CRAT: variants seen among roughly 807,000 people sequenced by gnomAD.
The protein encoded by CRAT is carnitine acetylase.
CRAT carries 66 observed loss-of-function variants against 73.7 expected under a neutral mutation model. The ratio of observed to expected loss-of-function variants is 0.90; its 90% CI spans 0.73 to 1.10. The LOEUF is 1.10. Among genes scored for constraint, CRAT ranks in the 50% least tolerant of loss-of-function variants. The pLI is 0.00. For synonymous variants in CRAT, 321 were observed against 343.2 expected, an observed-to-expected ratio of 0.94 and a Z score of 0.71; for missense variants, 745 against 846.9, an observed-to-expected ratio of 0.88 and a Z score of 1.49.
chr9:129,098,285 G>C lies in CRAT; in HGVS notation c.1292C>G (p.Ala431Gly). The C allele has an allele frequency of 6.2e-7, 1 of 1,614,038 alleles. No individual in the cohort carries two copies. Among genetic ancestry groups the C allele is most frequent in the South Asian group, 1.1e-5 (1 of 91,090 alleles). Residue 431 changes from alanine (A) to glycine (G), a missense_variant, in exon 10 of 14, where the codon GCC (alanine) becomes GGC (glycine). By Grantham distance (60) the Ala-to-Gly change is moderately conservative. Coordinates refer to ENST00000318080, the MANE Select transcript of CRAT (RefSeq NM_000755.5). ...FPKSEKLSPD[A>G]FIQMALQLAY... ...CAGCTGCAAAGCCATCTGGATGAAG[G>C]CATCTGGGCTTAGCTTCTCCGACTT...
chr9:129,097,832 C>G, intron 11 of CRAT, 181 bp downstream of exon 11: 1 of 818,296 alleles, frequency 1.2e-6, no homozygotes, highest in South Asian at 1.9e-5. Context: ...TGAATGACTC[C>G]CTTTTCCTCT....
intron 4 of CRAT, 55 bp downstream of exon 4, chr9:129,102,958 G>T: frequency 6.6e-7 from 1 of 1,504,148 alleles, no homozygotes; most frequent in Non-Finnish European, 9.3e-7. Flanking sequence ...AGGTGGCTGT[G>T]GTAATTAAGC....
At chr9:129,100,822 C>A in intron 6 of CRAT, 133 bp from the exon 7 acceptor site, 3 of 1,108,786 alleles carry the variant, frequency 2.7e-6, no homozygotes, top group South Asian at 1.7e-5. Context: ...GGAGACCCCC[C>A]ACCTCGCCGG....
chr9:129,102,239 C>G (rs1002664776), intron 5 of CRAT, among the ~76,000 whole-genome samples, 161 bp downstream of exon 5: 1 of 152,204 alleles, frequency 6.6e-6, no homozygotes, highest in African/African-American at 2.4e-5. Flanking sequence ...CACGGCCCCT[C>G]CTGGCCTCCC....
In CRAT at chr9:129,095,134, G is replaced by A. The variant is rs558434911; in HGVS notation, c.*263C>T. The A allele has an allele frequency of 1.5e-5, 8 of 533,460 alleles. No individual in the cohort carries two copies. Among genetic ancestry groups the A allele is most frequent in the South Asian group, 7.0e-5 (3 of 42,860 alleles). The allele number at this position is 533,460 out of a possible 1,614,324, so 33.0% of individuals were successfully genotyped here. A position where few individuals can be genotyped will look rare whatever the true frequency, so the allele number is the denominator to read the frequency against. On this transcript the variant is annotated 3_prime_UTR_variant, in exon 14 of 14. Transcript: ENST00000318080. ...CCCAGAGGAGGCACCGGTGGAGGAC[G>A]TGCCAGGGGCCCGGGCCTAACGTCC...
At chr9:129,097,446 C>T (rs1445785072) in intron 11 of CRAT, 134 bp from the exon 12 acceptor site, 3 of 618,322 alleles carry the variant, frequency 4.9e-6, no homozygotes, top group Non-Finnish European at 7.9e-6. Context: ...CGGTGGCTCA[C>T]GCCTGTAATC....
chr9:129,109,737 C>A (rs1848271011), intron 1 of CRAT, among the ~76,000 whole-genome samples: 1 of 152,086 alleles, frequency 6.6e-6, no homozygotes, highest in Non-Finnish European at 1.5e-5. Context: ...GCCCTCTGGC[C>A]CCGTAGTGTG....
Position 129,095,229 on chromosome 9 carries a change from G to C in CRAT, c.*168C>G. On this transcript the variant is annotated 3_prime_UTR_variant, in exon 14 of 14. Transcript: ENST00000318080. ...CTGGGATGACCCACGGAAGGCACTTGGCTGGGGCCTGCAGGCCCCCTGGAG... is the reference window on the plus strand; with the variant it reads ...CTGGGATGACCCACGGAAGGCACTTCGCTGGGGCCTGCAGGCCCCCTGGAG... 1 of 729,106 alleles carries C rather than the reference G, an allele frequency of 1.4e-6. No individual in the cohort carries two copies. The highest frequency in any genetic ancestry group is 2.2e-6 in the Non-Finnish European group (1 of 452,970). The allele number at this position is 729,106 out of a possible 1,614,324, so 45.2% of individuals were successfully genotyped here. A position where few individuals can be genotyped will look rare whatever the true frequency, so the allele number is the denominator to read the frequency against.
At chr9:129,108,110 C>G (rs1848135731) in intron 1 of CRAT, 33 bp from the exon 2 acceptor site, 2 of 1,497,502 alleles carry the variant, frequency 1.3e-6, no homozygotes, top group African/African-American at 2.8e-5. Context: ...TTCATTCCCT[C>G]CCCGGCTCTG....
At chr9:129,099,142 CTTTTTTT>C (rs58079634) in intron 8 of CRAT, among the ~76,000 whole-genome samples, 3 of 130,360 alleles carry the variant, frequency 2.3e-5, no homozygotes, top group Admixed American at 8.3e-5. Context: ...GCGTGGCTAA[CTTTTTTT>C]TTTTTTTTTT....
At chr9:129,109,129 G>C (rs1389805852) in intron 1 of CRAT, 1 of 1,303,570 alleles carries the variant, frequency 7.7e-7, no homozygotes, top group African/African-American at 1.5e-5. Context: ...TTTCTTCTCT[G>C]CATGGGCTCA....
chr9:129,098,305 C>T lies in CRAT; in HGVS notation c.1272G>A (p.Ser424=), dbSNP rs946600875. ...FHHFGKDFPK[S]EKLSPDAFIQ... ...TGAAGGCATCTGGGCTTAGCTTCTCCGACTTGGGGAAGTCTTTTCCAAAAT... is the reference window on the plus strand; with the variant it reads ...TGAAGGCATCTGGGCTTAGCTTCTCTGACTTGGGGAAGTCTTTTCCAAAAT... The change falls in exon 10 of 14, where the codon TCG becomes TCA. Residue 424 remains serine, a synonymous_variant. Coordinates refer to ENST00000318080, the MANE Select transcript of CRAT (RefSeq NM_000755.5). 1.8e-5 allele frequency: 29 copies of T among 1,613,922 alleles called. No individual in the cohort carries two copies. Among genetic ancestry groups the T allele is most frequent in the Non-Finnish European group, 2.2e-5 (26 of 1,180,050 alleles).
intron 1 of CRAT, chr9:129,109,362 G>GT: frequency 9.1e-7 from 1 of 1,097,680 alleles, no homozygotes; most frequent in Non-Finnish European, 1.2e-6. Context: ...CCTATTTCCT[G>GT]TTTCTCTCCA....
chr9:129,095,418 G>A lies in CRAT; in HGVS notation c.1860C>T (p.Ser620=), dbSNP rs1476693687. The change falls in exon 14 of 14, where the codon AGC becomes AGT. Residue 620 remains serine (S), a synonymous_variant. Coordinates refer to ENST00000318080, the MANE Select transcript of CRAT (RefSeq NM_000755.5). ...GGGCTCAGAGCTTGGCCCGGGGGTGGCTCTGCAGCAGGGCACGCATGTCCA... is the reference window on the plus strand; with the variant it reads ...GGGCTCAGAGCTTGGCCCGGGGGTGACTCTGCAGCAGGGCACGCATGTCCA... ...ALLDMRALLQ[S]HPRAKL The A allele has an allele frequency of 1.2e-6, 2 of 1,611,886 alleles. No homozygotes were observed. Among genetic ancestry groups the A allele is most frequent in the Admixed American group, 3.3e-5 (2 of 60,024 alleles).
chr9:129,099,735 T>A (rs1847538615), intron 8 of CRAT, 131 bp downstream of exon 8: 2 of 673,386 alleles, frequency 3.0e-6, no homozygotes, highest in Middle Eastern at 2.5e-4. Flanking sequence ...CATATCTGGC[T>A]GGCTTCCTTG....
At chr9:129,109,738 C>T (rs1848271305) in intron 1 of CRAT, among the ~76,000 whole-genome samples, 1 of 152,094 alleles carries the variant, frequency 6.6e-6, no homozygotes, top group Non-Finnish European at 1.5e-5. Flanking sequence ...CCCTCTGGCC[C>T]CGTAGTGTGT....
intron 12 of CRAT, among the ~76,000 whole-genome samples, chr9:129,096,941 G>A (rs1333875378): frequency 1.3e-5 from 2 of 152,096 alleles, no homozygotes; most frequent in Non-Finnish European, 1.5e-5. Context: ...GGTGGTGGGT[G>A]CCTGTAATCC....
At chr9:129,095,715 A>G (rs907788594) in intron 13 of CRAT, 103 bp from the exon 14 acceptor site, 4 of 1,240,860 alleles carry the variant, frequency 3.2e-6, no homozygotes, top group African/African-American at 1.5e-5. Flanking sequence ...CCTTGTGGGC[A>G]GGGATCATGG....
Position 129,102,981 on chromosome 9 carries a change from G to A in CRAT, c.464+32C>T, listed in dbSNP as rs181118320. On this transcript the variant is annotated intron_variant, in intron 4 of 13. Coordinates refer to ENST00000318080, the MANE Select transcript of CRAT (RefSeq NM_000755.5). ...GTGGTAATTAAGCAGGCCTGGGCAG[G>A]TGTGGGGCTGGGCAGGGGTGGGGAT... is the stretch of plus-strand genomic sequence containing the variant. 4.6e-4 allele frequency: 739 copies of A among 1,595,860 alleles called. 3 individuals are homozygous for A. The African/African-American group carries it at 7.7e-3, about 17-fold the overall frequency.
Sources: gnomAD v4.1 joint callset for allele counts (sites outside exome capture counted in the v4.1 genomes callset) on GRCh38, gnomAD v4.1.1 for gene constraint, MANE v1.5 for transcripts, NCBI Gene and HGNC (gene_info 2026-07-23, HGNC 2026-07-21) for gene names.